Variants in BCAS3 observed in about 807,000 individuals in gnomAD.
BCAS3 encodes the protein BCAS4/BCAS3 fusion.
A neutral mutation model predicts 116.1 loss-of-function variants in BCAS3; 53 were observed. That is an observed-to-expected ratio of 0.46 (90% confidence interval 0.37 to 0.57). BCAS3 has a LOEUF of 0.57. Among genes scored for constraint, BCAS3 ranks in the 20% least tolerant of loss-of-function variants. The probability of loss-of-function intolerance (pLI) is 0.00; values close to 1 mark genes in which losing one functional copy is unlikely to be tolerated. For synonymous variants in BCAS3, 391 were observed against 408.2 expected, an observed-to-expected ratio of 0.96 and a Z score of 0.51; for missense variants, 917 against 1,165.4, an observed-to-expected ratio of 0.79 and a Z score of 3.10.
chr17:60,839,446 C>T (rs1043464763), intron 7 of BCAS3, among the ~76,000 whole-genome samples: 2 of 152,108 alleles, frequency 1.3e-5, no homozygotes, highest in Non-Finnish European at 2.9e-5. Flanking sequence ...ATGTCACTTA[C>T]CCCTTTGTGC....
At chr17:60,717,244 C>T (rs2038728207) in intron 5 of BCAS3, among the ~76,000 whole-genome samples, 2 of 146,366 alleles carry the variant, frequency 1.4e-5, no homozygotes, top group African/African-American at 5.1e-5. Context: ...GAGACAGAGT[C>T]TCTCTGTGTC....
chr17:60,912,129 G>A (rs1015145717), intron 12 of BCAS3, among the ~76,000 whole-genome samples: 3 of 151,798 alleles, frequency 2.0e-5, no homozygotes, highest in East Asian at 1.9e-4. Context: ...TTAAATATAC[G>A]TTTCTTAAAG....
chr17:60,899,152 C>A (rs901791310), intron 10 of BCAS3, among the ~76,000 whole-genome samples: 2 of 151,994 alleles, frequency 1.3e-5, no homozygotes, highest in Non-Finnish European at 2.9e-5. Flanking sequence ...GGGTGAGGGG[C>A]CCTGAGGCTG....
At chr17:61,262,437 G>C (rs1211835371) in intron 22 of BCAS3, among the ~76,000 whole-genome samples, 1 of 150,746 alleles carries the variant, frequency 6.6e-6, no homozygotes, top group Non-Finnish European at 1.5e-5. Context: ...CTGTAGTGTA[G>C]TGGCACGATC....
intron 1 of BCAS3, 29 bp from the exon 2 acceptor site, chr17:60,679,424 T>G (rs1567996444): frequency 2.0e-6 from 3 of 1,535,862 alleles, no homozygotes; most frequent in South Asian, 1.1e-5. Context: ...TTTTTCTGTT[T>G]TTTGTTTGTT....
rs73326893 is a variant in BCAS3 at position 61,235,533 on chromosome 17, C to T, written c.2426-132794C>T. ...TTCCAAACAGATTGTGAGGTGACTA[C>T]GTAGTACAGAAGTACAGTGAAATAT... is the stretch of plus-strand genomic sequence containing the variant. On this transcript the variant is annotated intron_variant, in intron 22 of 23. Transcript: ENST00000407086. This position sits in a 1 kb window ranked among gnomAD's most constrained non-coding sequence, Gnocchi z 5.0. Among the ~76,000 whole-genome samples, 4,054 of 152,160 alleles carry T rather than the reference C, an allele frequency of 0.027. 77 individuals carry two copies. The highest frequency in any genetic ancestry group is 0.12 in the East Asian group (597 of 5,166).
At chr17:60,839,652 T>G (rs2144754831) in intron 7 of BCAS3, among the ~76,000 whole-genome samples, 1 of 152,300 alleles carries the variant, frequency 6.6e-6, no homozygotes, top group South Asian at 2.1e-4. Context: ...ACCAACTGGC[T>G]TTTGTTCTTT....
At chr17:61,187,854 G>T (rs922106291) in intron 22 of BCAS3, among the ~76,000 whole-genome samples, 1 of 151,768 alleles carries the variant, frequency 6.6e-6, no homozygotes, top group African/African-American at 2.4e-5. Context: ...CGTTTTAACA[G>T]ATTTCCTCCA....
At chr17:61,372,184 GTGTT>G (rs2059082974) in intron 23 of BCAS3, among the ~76,000 whole-genome samples, 1 of 152,128 alleles carries the variant, frequency 6.6e-6, no homozygotes, top group South Asian at 2.1e-4. Context: ...AGCCTGCTCT[GTGTT>G]TTCCTCATAG....
At chr17:60,694,088 A>G (rs907804176) in intron 4 of BCAS3, among the ~76,000 whole-genome samples, 21 of 149,688 alleles carry the variant, frequency 1.4e-4, no homozygotes, top group Admixed American at 1.3e-3. Context: ...GGGTTTCACC[A>G]TGTTAGCCAG....
chr17:60,848,487 C>T (rs764075735), intron 7 of BCAS3, among the ~76,000 whole-genome samples: 7 of 152,082 alleles, frequency 4.6e-5, no homozygotes, highest in Non-Finnish European at 8.8e-5. Context: ...CTGGAATTTT[C>T]GACATATAAG....
rs1440264694 is a variant in BCAS3 at position 61,023,733 on chromosome 17, T to G, written c.1637+7832T>G. ...TCTGGGAGTCTCCTGAAGAAACCCT[T>G]TGAGAACTAATGGCCAGGTCATTTC... On this transcript the variant is annotated intron_variant, in intron 16 of 23. Coordinates refer to ENST00000407086, the MANE Select transcript of BCAS3 (RefSeq NM_017679.5). The surrounding 1 kb of genome is among the most constrained non-coding windows in gnomAD (Gnocchi z 4.8). Among the ~76,000 whole-genome samples the G allele has an allele frequency of 2.6e-5, 4 of 152,098 alleles. No individual in the cohort carries two copies. Among genetic ancestry groups the G allele is most frequent in the African/African-American group, 4.8e-5 (2 of 41,434 alleles).
intron 6 of BCAS3, among the ~76,000 whole-genome samples, chr17:60,787,860 GAGATATTGGCACCATGGTAAGA>G (rs1289433652): frequency 6.6e-6 from 1 of 151,828 alleles, no homozygotes; most frequent in Non-Finnish European, 1.5e-5. Flanking sequence ...AAATGTTAAG[GAGATATTGGCACCATGGTAAGA>G]AGAGCAAGAC....
rs1309032135 is a variant in BCAS3, at chr17:61,346,627, T to C, written c.2426-21700T>C. On this transcript the variant is annotated intron_variant, in intron 22 of 23. Transcript: ENST00000407086. This position sits in a 1 kb window ranked among gnomAD's most constrained non-coding sequence, Gnocchi z 5.4. ...GAGGTAAATAATTTACCCAGGGCTA[T>C]GTAACTATTAAATGACAGAACAAGG... Among the ~76,000 whole-genome samples the C allele has an allele frequency of 6.6e-6, 1 of 152,246 alleles. No individual in the cohort carries two copies. The highest frequency in any genetic ancestry group is 1.5e-5 in the Non-Finnish European group (1 of 68,048).
intron 7 of BCAS3, among the ~76,000 whole-genome samples, chr17:60,868,282 C>A (rs562259147): frequency 1.7e-4 from 26 of 152,132 alleles, no homozygotes; most frequent in Middle Eastern, 3.4e-3. Flanking sequence ...GCCTCGGCCT[C>A]CCAAAGTGCT....
rs145810930 is a variant in BCAS3, at chr17:60,891,986, T to C, written c.738+2215T>C. Among the ~76,000 whole-genome samples, 72 of 152,350 alleles carry C rather than the reference T, an allele frequency of 4.7e-4. 1 individual carries two copies. In the East Asian group the frequency reaches 0.011, roughly 23 times the overall value. On this transcript the variant is annotated intron_variant, in intron 10 of 23. Coordinates refer to ENST00000407086, the MANE Select transcript of BCAS3 (RefSeq NM_017679.5). ...TGCTGCAAAGGACATGATTTCATTC[T>C]TTCTGTGGTTGCAAAGTATTCCATG...
At chr17:60,975,399 T>A (rs1319655546) in intron 14 of BCAS3, among the ~76,000 whole-genome samples, 2 of 152,206 alleles carry the variant, frequency 1.3e-5, no homozygotes, top group Non-Finnish European at 2.9e-5. Flanking sequence ...CTTATCTTCC[T>A]TTGTGCATAG....
At chr17:60,691,182 C>T (rs773593590) in intron 4 of BCAS3, among the ~76,000 whole-genome samples, 6 of 152,134 alleles carry the variant, frequency 3.9e-5, no homozygotes, top group Non-Finnish European at 8.8e-5. Flanking sequence ...ATTCACCTGC[C>T]TCGGCCTCCC....
At chr17:60,717,780 G>A (rs2038800694) in intron 5 of BCAS3, among the ~76,000 whole-genome samples, 1 of 152,130 alleles carries the variant, frequency 6.6e-6, no homozygotes, top group African/African-American at 2.4e-5. Context: ...TCCACAGGGT[G>A]GGGATAGTTT....
Sources: allele counts gnomAD v4.1 joint callset (sites outside exome capture counted in the v4.1 genomes callset), GRCh38; gene constraint gnomAD v4.1.1; non-coding constraint Gnocchi (gnomAD v3.1); transcripts MANE v1.5; gene names NCBI Gene and HGNC (gene_info 2026-07-23, HGNC 2026-07-21).